The following KIRREL3 variants were observed in gnomAD, a reference collection of about 807,000 sequenced individuals.
KIRREL3 encodes the protein kin of IRRE-like protein 3.
KIRREL3 carries 36 observed loss-of-function variants against 89.7 expected under a neutral mutation model. That is an observed-to-expected ratio of 0.40 (90% CI 0.31 to 0.53). KIRREL3 has a LOEUF of 0.53. Among genes scored for constraint, KIRREL3 ranks in the 20% least tolerant of loss-of-function variants. The probability of loss-of-function intolerance (pLI) is 0.49; values close to 1 mark genes in which losing one functional copy is unlikely to be tolerated. For missense variants in KIRREL3, 864 were observed against 1,056.6 expected (o/e 0.82, Z 2.53); for synonymous variants, 445 against 441.4 (o/e 1.01, Z -0.10).
chr11:126,873,943 A>T (rs1431468528), intron 1 of KIRREL3, among the ~76,000 whole-genome samples: 2 of 152,212 alleles, frequency 1.3e-5, no homozygotes, highest in African/African-American at 4.8e-5. Context: ...TCTCCTGCTA[A>T]AAACTTTTTT....
Position 126,977,865 on chromosome 11 carries a change from T to A in KIRREL3, c.55+22590A>T, listed in dbSNP as rs533119569. Among the ~76,000 whole-genome samples the A allele has an allele frequency of 6.6e-6, 1 of 152,172 alleles. No homozygotes were observed. The highest frequency in any genetic ancestry group is 1.9e-4 in the East Asian group (1 of 5,200). ...GGCTGGAACTGGCTCCTGTGCCTGA[T>A]GTATGGTTGATATTTTGGATCAGGA... On this transcript the variant is annotated intron_variant, in intron 1 of 16. Transcript: ENST00000525144. The surrounding 1 kb of genome is among the most constrained non-coding windows in gnomAD (Gnocchi z 4.7).
rs1422978068 is a variant in KIRREL3 at position 126,897,390 on chromosome 11, C to T, written c.55+103065G>A. On this transcript the variant is annotated intron_variant, in intron 1 of 16. Coordinates refer to ENST00000525144, the MANE Select transcript of KIRREL3 (RefSeq NM_032531.4). The surrounding 1 kb of genome is among the most constrained non-coding windows in gnomAD (Gnocchi z 4.2). ...CTTTATAGAAAATGGAAAGCCTTCC[C>T]CAAGCGTTCTCTTATTTTGGGGAAA... Among the ~76,000 whole-genome samples the T allele has an allele frequency of 6.6e-6, 1 of 152,066 alleles. No homozygotes were observed. The highest frequency in any genetic ancestry group is 6.5e-5 in the Admixed American group (1 of 15,274).
chr11:126,721,652 G>A (rs571988672), intron 1 of KIRREL3, among the ~76,000 whole-genome samples: 14 of 152,336 alleles, frequency 9.2e-5, no homozygotes, highest in Middle Eastern at 3.4e-3. Context: ...TGCTCAAGAG[G>A]ACAGAGATTG....
intron 1 of KIRREL3, among the ~76,000 whole-genome samples, chr11:126,731,001 A>G (rs1948597062): frequency 6.6e-6 from 1 of 152,096 alleles, no homozygotes. Flanking sequence ...GGCCTCCCAA[A>G]GTGCTGGGAT....
In KIRREL3 at chr11:126,872,700, A is replaced by G. The variant is rs1262587672; in HGVS notation, c.55+127755T>C. On this transcript the variant is annotated intron_variant, in intron 1 of 16. Transcript: ENST00000525144. This position sits in a 1 kb window ranked among gnomAD's most constrained non-coding sequence, Gnocchi z 4.2. Reference sequence around the variant, plus strand: ...CCCACCCCATCCTGGGCTTGTTTTCATCTTTGTCAGTGTGGGTACTTTCCT... The same window carrying G: ...CCCACCCCATCCTGGGCTTGTTTTCGTCTTTGTCAGTGTGGGTACTTTCCT... Among the ~76,000 whole-genome samples the G allele has an allele frequency of 2.0e-5, 3 of 152,168 alleles. No individual in the cohort carries two copies. Among genetic ancestry groups the G allele is most frequent in the Admixed American group, 6.5e-5 (1 of 15,288 alleles).
chr11:126,442,913 A>G (rs1955637707), intron 10 of KIRREL3, among the ~76,000 whole-genome samples: 1 of 152,160 alleles, frequency 6.6e-6, no homozygotes, highest in South Asian at 2.1e-4. Context: ...GCAGGGGTGG[A>G]GGCAGAGGAG....
At chr11:126,444,743 C>T (rs527749267) in intron 10 of KIRREL3, among the ~76,000 whole-genome samples, 1 of 152,348 alleles carries the variant, frequency 6.6e-6, no homozygotes, top group Non-Finnish European at 1.5e-5. Flanking sequence ...GCTGAGACCC[C>T]TTCAAAGCTA....
At chr11:126,473,200 C>G in intron 5 of KIRREL3, 109 bp downstream of exon 5, 1 of 818,614 alleles carries the variant, frequency 1.2e-6, no homozygotes, top group Non-Finnish European at 1.6e-6. Context: ...CTCCTTTAGC[C>G]CCCTCCTTAC....
In KIRREL3 at chr11:126,764,706, TTTTATGTTATTGCACACATGAGTGGAACA is replaced by T. The variant is rs1386197889; in HGVS notation, c.56-201823_56-201795del. Among the ~76,000 whole-genome samples, 2 of 152,140 alleles carry T rather than the reference TTTTATGTTATTGCACACATGAGTGGAACA, an allele frequency of 1.3e-5. No homozygotes were observed. The highest frequency in any genetic ancestry group is 2.9e-5 in the Non-Finnish European group (2 of 68,022). On this transcript the variant is annotated intron_variant, in intron 1 of 16. Transcript: ENST00000525144. The surrounding 1 kb of genome is among the most constrained non-coding windows in gnomAD (Gnocchi z 4.2). ...TCTCAGTGTAGGCTCTGAATGCTGC[TTTTATGTTATTGCACACATGAGTGGAACA>T]TACTATCCAGCTTCTTAGGGCCTGT...
rs1565454406 is a variant in KIRREL3, at chr11:126,442,350, AC to A, written c.1253-1802del. Among the ~76,000 whole-genome samples, 589 of 134,986 alleles carry A rather than the reference AC, an allele frequency of 4.4e-3. 9 individuals are homozygous for A. The highest frequency in any genetic ancestry group is 0.013 in the African/African-American group (466 of 35,010). The allele number at this position is 134,986 out of a possible 152,430, so 88.6% of individuals were successfully genotyped here. On this transcript the variant is annotated intron_variant, in intron 10 of 16. Transcript: ENST00000525144. ...CACACACACACACACACACACACAC[AC>A]ACAAAACCTTTTCCTTGTGCTTCCC...
chr11:126,872,704 T>C lies in KIRREL3; in HGVS notation c.55+127751A>G, dbSNP rs1030620045. 6.6e-6 allele frequency among the ~76,000 whole-genome samples: 1 copy of C among 152,244 alleles called. No individual in the cohort carries two copies. The highest frequency in any genetic ancestry group is 1.5e-5 in the Non-Finnish European group (1 of 68,042). On this transcript the variant is annotated intron_variant, in intron 1 of 16. Coordinates refer to ENST00000525144, the MANE Select transcript of KIRREL3 (RefSeq NM_032531.4). The surrounding 1 kb of genome is among the most constrained non-coding windows in gnomAD (Gnocchi z 4.2). ...CCCCATCCTGGGCTTGTTTTCATCT[T>C]TGTCAGTGTGGGTACTTTCCTGCTC...
chr11:126,690,362 G>T (rs1649099), intron 1 of KIRREL3, among the ~76,000 whole-genome samples: 144,221 of 149,592 alleles, frequency 0.96, 69,624 homozygotes, highest in Non-Finnish European at 1. Context: ...CTAAGCAGGG[G>T]TTTTTTTTTT....
At chr11:126,638,854 G>A (rs1484831918) in intron 1 of KIRREL3, among the ~76,000 whole-genome samples, 7 of 152,076 alleles carry the variant, frequency 4.6e-5, no homozygotes, top group Non-Finnish European at 8.8e-5. Flanking sequence ...GCATCACCCC[G>A]TCTCCCCATG....
chr11:126,808,973 TC>T lies in KIRREL3; in HGVS notation c.55+191481del, dbSNP rs990650307. 6.6e-6 allele frequency among the ~76,000 whole-genome samples: 1 copy of T among 152,098 alleles called. No homozygotes were observed. Among genetic ancestry groups the T allele is most frequent in the African/African-American group, 2.4e-5 (1 of 41,398 alleles). ...TTGAAAAATCTCTTGTTCTTTTCTT[TC>T]CCCCAAAAAACAAATGCAACTATTC... On this transcript the variant is annotated intron_variant, in intron 1 of 16. Transcript: ENST00000525144. The surrounding 1 kb of genome is among the most constrained non-coding windows in gnomAD (Gnocchi z 4.1).
chr11:126,992,203 C>T (rs1212935739), intron 1 of KIRREL3, among the ~76,000 whole-genome samples: 1 of 152,158 alleles, frequency 6.6e-6, no homozygotes, highest in African/African-American at 2.4e-5. Flanking sequence ...ATGTGTCATC[C>T]AAAATAAATA....
chr11:126,825,886 T>C (rs10750346), intron 1 of KIRREL3, among the ~76,000 whole-genome samples: 131,209 of 152,016 alleles, frequency 0.86, 56,972 homozygotes, highest in East Asian at 1. Flanking sequence ...TTAATCAGGT[T>C]GTCCTTTTCT....
chr11:126,436,116 C>G (rs796835877), intron 12 of KIRREL3, among the ~76,000 whole-genome samples: 2 of 152,178 alleles, frequency 1.3e-5, no homozygotes, highest in African/African-American at 4.8e-5. Flanking sequence ...GGAGCTGGGA[C>G]GTCAGCGCAC....
rs995710880 is a variant in KIRREL3, at chr11:126,535,240, T to G, written c.134-8553A>C. On this transcript the variant is annotated intron_variant, in intron 2 of 16. Coordinates refer to ENST00000525144, the MANE Select transcript of KIRREL3 (RefSeq NM_032531.4). This position sits in a 1 kb window ranked among gnomAD's most constrained non-coding sequence, Gnocchi z 4.5. ...CCCCTCTAGATTTCCCTCCTGCGCT[T>G]ACTCCTGCCTCCTGTCAGCCCACCC... Among the ~76,000 whole-genome samples, 1 of 152,164 alleles carries G rather than the reference T, an allele frequency of 6.6e-6. No individual in the cohort carries two copies. The highest frequency in any genetic ancestry group is 1.5e-5 in the Non-Finnish European group (1 of 68,040).
rs147218473 is a variant in KIRREL3, at chr11:126,456,057, T to TTTTTTTTTTTTTTC, written c.848+291_848+292insGAAAAAAAAAAAAA. The stretch of plus-strand genomic sequence containing the variant: ...TGTTTTCGTTTTTTTTTTTTTTTTT[T>TTTTTTTTTTTTTTC]CCTGAGCCTTTTCCCCATGTTTGGA... On this transcript the variant is annotated intron_variant, in intron 7 of 16. Transcript: ENST00000525144. Among the ~76,000 whole-genome samples, 26 of 109,796 alleles carry TTTTTTTTTTTTTTC rather than the reference T, an allele frequency of 2.4e-4. 1 individual carries two copies. The highest frequency in any genetic ancestry group is 4.3e-4 in the African/African-American group (12 of 27,926). 72.0% of individuals were successfully genotyped at this position (109,796 alleles called of 152,430 possible).
Sources: allele counts gnomAD v4.1 joint callset (sites outside exome capture counted in the v4.1 genomes callset), GRCh38; gene constraint gnomAD v4.1.1; non-coding constraint Gnocchi (gnomAD v3.1); transcripts MANE v1.5; gene names NCBI Gene and HGNC (gene_info 2026-07-23, HGNC 2026-07-21).